The following RUNDC3B variants were observed in gnomAD, a reference collection of about 807,000 sequenced individuals.
RUNDC3B encodes RUN domain containing 3B, also known as RUN domain-containing protein 3B.
Under a neutral mutation model 58.4 loss-of-function variants are expected in RUNDC3B, and 33 were observed. The ratio of observed to expected loss-of-function variants is 0.56; its 90% CI spans 0.43 to 0.75. The LOEUF (loss-of-function observed/expected upper bound fraction) is 0.75. Ranked by LOEUF, RUNDC3B falls within the 30% of genes least tolerant of loss-of-function variation. RUNDC3B has a pLI of 0.00. For missense variants in RUNDC3B, 501 were observed against 535.7 expected, an observed-to-expected ratio of 0.94 and a Z score of 0.64; for synonymous variants, 193 against 195.2, an observed-to-expected ratio of 0.99 and a Z score of 0.10.
At chr7:87,637,393 C>A (rs73705286) in intron 1 of RUNDC3B, among the ~76,000 whole-genome samples, 6,479 of 152,016 alleles carry the variant, frequency 0.043, 458 homozygotes, top group African/African-American at 0.15. Context: ...ATTATCTTGG[C>A]TATTCTTGGC....
chr7:87,736,163 G>A (rs1831920367), intron 4 of RUNDC3B, among the ~76,000 whole-genome samples: 2 of 152,038 alleles, frequency 1.3e-5, no homozygotes, highest in Admixed American at 1.3e-4. Flanking sequence ...CATTAAATTG[G>A]GGGAAGAGAA....
intron 7 of RUNDC3B, among the ~76,000 whole-genome samples, chr7:87,776,518 G>T (rs1834638523): frequency 6.6e-6 from 1 of 151,954 alleles, no homozygotes; most frequent in Non-Finnish European, 1.5e-5. Flanking sequence ...AAAGTAAAGA[G>T]ATAATAAACA....
intron 4 of RUNDC3B, among the ~76,000 whole-genome samples, chr7:87,739,081 T>C (rs1832163463): frequency 6.6e-6 from 1 of 151,960 alleles, no homozygotes; most frequent in South Asian, 2.1e-4. Context: ...ACATTCATTT[T>C]TGGAAAAATA....
At chr7:87,646,936 T>C (rs1445653888) in intron 1 of RUNDC3B, among the ~76,000 whole-genome samples, 1 of 152,190 alleles carries the variant, frequency 6.6e-6, no homozygotes. Flanking sequence ...TTCCTATATG[T>C]TATTTCCCGT....
Position 87,747,485 on chromosome 7 carries a change from A to G in RUNDC3B, c.629+5906A>G, listed in dbSNP as rs552196592. Among the ~76,000 whole-genome samples, 158 of 152,266 alleles carry G rather than the reference A, an allele frequency of 1.0e-3. 1 individual carries two copies. The highest frequency in any genetic ancestry group is 3.7e-3 in the African/African-American group (153 of 41,552). On this transcript the variant is annotated intron_variant, in intron 6 of 10. Coordinates refer to ENST00000394654, the MANE Select transcript of RUNDC3B (RefSeq NM_001134405.2). ...CTCTTGCCAGGAGGTGGCGCATTCC[A>G]GAGAGCATCAGCTGTGGTAGTATGG...
intron 2 of RUNDC3B, among the ~76,000 whole-genome samples, chr7:87,671,500 T>C (rs1236132590): frequency 1.3e-5 from 2 of 152,178 alleles, no homozygotes; most frequent in Non-Finnish European, 2.9e-5. Context: ...GTGGTATGTT[T>C]GCTCCAGTAC....
intron 8 of RUNDC3B, among the ~76,000 whole-genome samples, chr7:87,792,625 A>G (rs560379281): frequency 6.6e-6 from 1 of 152,234 alleles, no homozygotes; most frequent in South Asian, 2.1e-4. Flanking sequence ...GTCAGGAAGT[A>G]ATTAAGAAGG....
chr7:87,663,450 A>T (rs1824915233), intron 2 of RUNDC3B, among the ~76,000 whole-genome samples: 1 of 151,852 alleles, frequency 6.6e-6, no homozygotes, highest in Non-Finnish European at 1.5e-5. Context: ...CTTTTCTTCT[A>T]CCGCTACTAT....
chr7:87,725,015 C>A lies in RUNDC3B; in HGVS notation c.458+14360C>A, dbSNP rs1322993507. Reference sequence around the variant, plus strand: ...AAAAAACAAAGGCTTATGACTCTTGCTAGTCAAAGCCATTTTATTTAACAG... The same window carrying A: ...AAAAAACAAAGGCTTATGACTCTTGATAGTCAAAGCCATTTTATTTAACAG... On this transcript the variant is annotated intron_variant, in intron 4 of 10. Coordinates refer to ENST00000394654, the MANE Select transcript of RUNDC3B (RefSeq NM_001134405.2). Among the ~76,000 whole-genome samples the A allele has an allele frequency of 6.6e-5, 10 of 152,016 alleles. No individual in the cohort carries two copies. The East Asian group carries it at 1.9e-3, about 29-fold the overall frequency.
At chr7:87,743,637 C>T (rs925375189) in intron 6 of RUNDC3B, among the ~76,000 whole-genome samples, 3 of 151,932 alleles carry the variant, frequency 2.0e-5, no homozygotes, top group East Asian at 1.9e-4. Flanking sequence ...TATTCATGTC[C>T]GTAGCCCACT....
chr7:87,753,382 TA>T (rs1833147911), intron 6 of RUNDC3B, among the ~76,000 whole-genome samples: 1 of 151,738 alleles, frequency 6.6e-6, no homozygotes, highest in Non-Finnish European at 1.5e-5. Context: ...TGTAGATGTC[TA>T]TTAGGTCCAC....
intron 2 of RUNDC3B, among the ~76,000 whole-genome samples, chr7:87,667,298 G>T (rs878975604): frequency 6.6e-6 from 1 of 152,038 alleles, no homozygotes; most frequent in Admixed American, 6.6e-5. Flanking sequence ...GGCTGTTGTT[G>T]GTGTATAGGA....
At chr7:87,752,422 A>G (rs551723418) in intron 6 of RUNDC3B, among the ~76,000 whole-genome samples, 258 of 152,080 alleles carry the variant, frequency 1.7e-3, no homozygotes, top group Non-Finnish European at 2.8e-3. Flanking sequence ...CTCTTTTTCT[A>G]TTGATTGGAA....
chr7:87,706,440 T>C (rs538281285), intron 3 of RUNDC3B, among the ~76,000 whole-genome samples: 3 of 152,106 alleles, frequency 2.0e-5, no homozygotes, highest in African/African-American at 7.2e-5. Flanking sequence ...ATCCCAAAGG[T>C]AAGAAAACAA....
chr7:87,776,150 A>G (rs913806431), intron 7 of RUNDC3B, among the ~76,000 whole-genome samples: 13 of 152,190 alleles, frequency 8.5e-5, no homozygotes, highest in Non-Finnish European at 1.9e-4. Flanking sequence ...CAGTAGCAGT[A>G]TCTAGTAAAT....
chr7:87,791,109 T>C (rs1835499385), intron 8 of RUNDC3B, among the ~76,000 whole-genome samples: 1 of 151,606 alleles, frequency 6.6e-6, no homozygotes, highest in African/African-American at 2.4e-5. Context: ...ACAAATAACA[T>C]CCAAAGAGCT....
chr7:87,762,254 TA>T (rs1833732936), intron 6 of RUNDC3B, among the ~76,000 whole-genome samples: 1 of 151,660 alleles, frequency 6.6e-6, no homozygotes, highest in Non-Finnish European at 1.5e-5. Flanking sequence ...GTTCATGTGG[TA>T]AATTACATTA....
At chr7:87,741,627 A>T (rs1832331989) in intron 6 of RUNDC3B, 48 bp downstream of exon 6, 1 of 1,080,632 alleles carries the variant, frequency 9.3e-7, no homozygotes, top group African/African-American at 1.6e-5. Flanking sequence ...TTTAAAATTG[A>T]ATGTCTTGTG....
intron 1 of RUNDC3B, among the ~76,000 whole-genome samples, chr7:87,637,566 T>A (rs577424686): frequency 1.1e-4 from 17 of 152,294 alleles, no homozygotes; most frequent in Middle Eastern, 3.4e-3. Context: ...CCTATTTCTT[T>A]ATATGTTTAA....
Sources: allele counts gnomAD v4.1 joint callset (sites outside exome capture counted in the v4.1 genomes callset), GRCh38; gene constraint gnomAD v4.1.1; transcripts MANE v1.5; gene names NCBI Gene and HGNC (gene_info 2026-07-23, HGNC 2026-07-21).